Variants in MSL2 observed in about 807,000 individuals in gnomAD.
MSL2 encodes the protein MSL complex subunit 2.
MSL2 carries 2 observed loss-of-function variants against 35.8 expected under a neutral mutation model. The ratio of observed to expected loss-of-function variants is 0.06; its 90% CI spans 0.02 to 0.18. The LOEUF (loss-of-function observed/expected upper bound fraction) is 0.18, where lower values mean the gene tolerates loss of function less well. Among genes scored for constraint, MSL2 ranks in the 10% least tolerant of loss-of-function variants. MSL2 has a pLI of 1.00. For synonymous variants in MSL2, 296 were observed against 255.7 expected, an observed-to-expected ratio of 1.16 and a Z score of -1.50; for missense variants, 523 against 706.7, an observed-to-expected ratio of 0.74 and a Z score of 2.95.
At chr3:136,178,272 C>T (rs1576369848) in intron 1 of MSL2, among the ~76,000 whole-genome samples, 2 of 152,312 alleles carry the variant, frequency 1.3e-5, no homozygotes, top group East Asian at 1.9e-4. Flanking sequence ...AAAGCAATGA[C>T]AGCCACTCAC....
At chr3:136,188,540 AG>A (rs1358288050) in intron 1 of MSL2, among the ~76,000 whole-genome samples, 1 of 152,082 alleles carries the variant, frequency 6.6e-6, no homozygotes, top group Non-Finnish European at 1.5e-5. Context: ...GCCTCAGGCC[AG>A]GAATTCAAGA....
At chr3:136,194,893 G>A (rs1434872249) in intron 1 of MSL2, 79 bp downstream of exon 1, 6 of 1,591,184 alleles carry the variant, frequency 3.8e-6, no homozygotes, top group South Asian at 1.1e-5. Flanking sequence ...CCACCAGGCC[G>A]TCAACCCGCT....
intron 1 of MSL2, among the ~76,000 whole-genome samples, chr3:136,153,233 C>G (rs926290673): frequency 1.3e-5 from 2 of 152,102 alleles, no homozygotes; most frequent in African/African-American, 4.8e-5. Flanking sequence ...GACCCTGTCT[C>G]AAAAACAAAA....
At chr3:136,163,005 AGTT>A (rs1939753339) in intron 1 of MSL2, among the ~76,000 whole-genome samples, 2 of 151,540 alleles carry the variant, frequency 1.3e-5, no homozygotes, top group African/African-American at 2.4e-5. Context: ...GGAGGAGGAA[AGTT>A]GTTAAGAGAG....
chr3:136,158,907 G>A (rs748551066), intron 1 of MSL2, among the ~76,000 whole-genome samples: 4 of 152,088 alleles, frequency 2.6e-5, no homozygotes, highest in African/African-American at 7.2e-5. Flanking sequence ...CTTTAACAAA[G>A]ACTTCTACAC....
chr3:136,176,008 A>G (rs190631635), intron 1 of MSL2, among the ~76,000 whole-genome samples: 560 of 152,254 alleles, frequency 3.7e-3, no homozygotes, highest in Non-Finnish European at 5.1e-3. Context: ...TATGTTTCCA[A>G]ACAATAACTA....
chr3:136,165,736 C>T (rs1559962297), intron 1 of MSL2, among the ~76,000 whole-genome samples: 2 of 152,184 alleles, frequency 1.3e-5, no homozygotes, highest in East Asian at 3.9e-4. Flanking sequence ...ATCCAGACAT[C>T]ATTAATTTTT....
In MSL2 at chr3:136,185,538, GGA is replaced by G. The variant is rs200525639; in HGVS notation, c.142+9432_142+9433del. On this transcript the variant is annotated intron_variant, in intron 1 of 1. Coordinates refer to ENST00000309993, the MANE Select transcript of MSL2 (RefSeq NM_018133.4). ...CACAACTCTTTTTTTCTTTTTTTTT[GGA>G]GGGGGGGGTGGGGGAAGGGACAGAG... Among the ~76,000 whole-genome samples, 148 of 120,686 alleles carry G rather than the reference GGA, an allele frequency of 1.2e-3. 2 individuals carry two copies. In the South Asian group the frequency reaches 0.027, roughly 22 times the overall value. 79.2% of individuals were successfully genotyped at this position (120,686 alleles called of 152,430 possible).
intron 1 of MSL2, among the ~76,000 whole-genome samples, chr3:136,180,143 G>A (rs1406438665): frequency 3.3e-5 from 5 of 152,068 alleles, no homozygotes; most frequent in Non-Finnish European, 5.9e-5. Flanking sequence ...AGGCTAAAAT[G>A]GCATACATTA....
At chr3:136,160,540 T>C (rs1429816162) in intron 1 of MSL2, among the ~76,000 whole-genome samples, 1 of 150,980 alleles carries the variant, frequency 6.6e-6, no homozygotes, top group Non-Finnish European at 1.5e-5. Context: ...TAAAACCCCA[T>C]CTCCACTAAA....
Position 136,195,259 on chromosome 3 carries a change from G to A in MSL2, c.-146C>T. On this transcript the variant is annotated 5_prime_UTR_variant, in exon 1 of 2. Transcript: ENST00000309993. ...GGCCAAACAAGTAACCAAAATCCGTGCAAGTTTGTGGAGCTGAAACAATCC... is the reference window on the plus strand; with the variant it reads ...GGCCAAACAAGTAACCAAAATCCGTACAAGTTTGTGGAGCTGAAACAATCC... 3 of 1,476,102 alleles carry A rather than the reference G, an allele frequency of 2.0e-6. No individual in the cohort carries two copies. The highest frequency in any genetic ancestry group is 2.4e-5 in the East Asian group (1 of 41,556). The allele number at this position is 1,476,102 out of a possible 1,614,324, so 91.4% of individuals were successfully genotyped here.
intron 1 of MSL2, among the ~76,000 whole-genome samples, chr3:136,176,245 G>A (rs551779015): frequency 2.6e-5 from 4 of 152,258 alleles, no homozygotes; most frequent in African/African-American, 9.6e-5. Flanking sequence ...TGGGTGTGGT[G>A]GCTCATGCCT....
intron 1 of MSL2, among the ~76,000 whole-genome samples, chr3:136,159,734 C>A (rs558618109): frequency 4.6e-5 from 7 of 152,014 alleles, no homozygotes; most frequent in Non-Finnish European, 1.0e-4. Flanking sequence ...AGGAAAAAAA[C>A]AAACTTATAC....
chr3:136,180,164 A>C (rs760511698), intron 1 of MSL2, among the ~76,000 whole-genome samples: 1 of 152,240 alleles, frequency 6.6e-6, no homozygotes, highest in Non-Finnish European at 1.5e-5. Flanking sequence ...CACAGGGGCA[A>C]AACTGCCTAT....
chr3:136,179,044 G>A (rs992419863), intron 1 of MSL2, among the ~76,000 whole-genome samples: 1 of 145,330 alleles, frequency 6.9e-6, no homozygotes, highest in Non-Finnish European at 1.5e-5. Context: ...CTGGAACGCA[G>A]TGGCACAATC....
rs561401093 is a variant in MSL2 at position 136,169,672 on chromosome 3, A to T, written c.143-16934T>A. On this transcript the variant is annotated intron_variant, in intron 1 of 1. Transcript: ENST00000309993. ...ACCATGTTGGCCAGGGTGGTCTTGA[A>T]CTCCTCCTGACCTCAGGTGATCCAC... is the stretch of plus-strand genomic sequence containing the variant. 3.3e-5 allele frequency among the ~76,000 whole-genome samples: 5 copies of T among 150,650 alleles called. No homozygotes were observed. In the South Asian group the frequency reaches 8.4e-4, roughly 25 times the overall value.
rs992373991 is a variant in MSL2, at chr3:136,195,703, C to T, written c.-590G>A. 8 of 985,200 alleles carry T rather than the reference C, an allele frequency of 8.1e-6. No individual in the cohort carries two copies. Among genetic ancestry groups the T allele is most frequent in the East Asian group, 1.1e-4 (1 of 8,806 alleles). 61.0% of individuals were successfully genotyped at this position (985,200 alleles called of 1,614,324 possible). On this transcript the variant is annotated 5_prime_UTR_variant, in exon 1 of 2. Transcript: ENST00000309993. ...GAAGGTTGATGTTGCGGCTGGCGGA[C>T]GCCGCCGCCGCGCTCTCCATATCGG...
chr3:136,191,402 A>G (rs1190822411), intron 1 of MSL2, among the ~76,000 whole-genome samples: 1 of 148,826 alleles, frequency 6.7e-6, no homozygotes, highest in Non-Finnish European at 1.5e-5. Flanking sequence ...CAGGAGGTAG[A>G]GGTTGCAGTG....
chr3:136,152,985 G>A lies in MSL2; in HGVS notation c.143-247C>T, dbSNP rs959277858. The A allele has an allele frequency of 1.1e-5, 11 of 985,278 alleles. No individual in the cohort carries two copies. In the Admixed American group the frequency reaches 6.8e-4, roughly 61 times the overall value. The allele number at this position is 985,278 out of a possible 1,614,324, so 61.0% of individuals were successfully genotyped here. ...CTTGATTCTGTGTCTCTCTCCCCAA[G>A]CAATACGTTCTGGTCCACCTTCTTA... is the stretch of plus-strand genomic sequence containing the variant. On this transcript the variant is annotated intron_variant, in intron 1 of 1. Coordinates refer to ENST00000309993, the MANE Select transcript of MSL2 (RefSeq NM_018133.4).
Sources: gnomAD v4.1 joint callset for allele counts (sites outside exome capture counted in the v4.1 genomes callset) on GRCh38, gnomAD v4.1.1 for gene constraint, MANE v1.5 for transcripts, NCBI Gene and HGNC (gene_info 2026-07-23, HGNC 2026-07-21) for gene names.